CENPP: variants seen among roughly 807,000 people sequenced by gnomAD.
CENPP encodes the protein centromere protein P.
In CENPP, 24 loss-of-function variants were observed where a neutral mutation model predicts 35.6. The observed-to-expected ratio is 0.67, with a 90% CI of 0.49 to 0.95. The LOEUF is 0.95. Among genes scored for constraint, CENPP ranks in the 40% least tolerant of loss-of-function variants. CENPP has a pLI of 0.00. For synonymous variants in CENPP, 120 were observed against 125.5 expected (o/e 0.96, Z 0.29); for missense variants, 332 against 345.3 (o/e 0.96, Z 0.31).
chr9:92,457,268 A>T, intron 5 of CENPP: 1 of 1,608,598 alleles, frequency 6.2e-7, no homozygotes, highest in Non-Finnish European at 8.5e-7. Flanking sequence ...TATTAAATGG[A>T]CATTACCAAT....
rs115821662 is a variant in CENPP at position 92,419,670 on chromosome 9, T to G, written c.564+39811T>G. Among the ~76,000 whole-genome samples, 308 of 152,352 alleles carry G rather than the reference T, an allele frequency of 2.0e-3. 2 individuals carry two copies. The highest frequency in any genetic ancestry group is 7.0e-3 in the African/African-American group (291 of 41,582). ...ATTGTATGAGCTATGCATGTACAAGTACTTTGCACGTTGAAAACTGCTATC... is the reference window on the plus strand; with the variant it reads ...ATTGTATGAGCTATGCATGTACAAGGACTTTGCACGTTGAAAACTGCTATC... On this transcript the variant is annotated intron_variant, in intron 5 of 7. Transcript: ENST00000375587.
chr9:92,539,348 C>T (rs1849263767), intron 5 of CENPP, among the ~76,000 whole-genome samples: 1 of 141,614 alleles, frequency 7.1e-6, no homozygotes, highest in South Asian at 2.6e-4. Context: ...CCCCCGCTCC[C>T]CCACCCCCCA....
rs149616596 is a variant in CENPP, at chr9:92,327,632, G to A, written c.107+1527G>A. ...GAAGCAAAGGTACTTAAGTACACAG[G>A]CCTTGTAAACCTGTTAGAACAAGTC... On this transcript the variant is annotated intron_variant, in intron 1 of 7. Coordinates refer to ENST00000375587, the MANE Select transcript of CENPP (RefSeq NM_001012267.3). Among the ~76,000 whole-genome samples, 329 of 152,298 alleles carry A rather than the reference G, an allele frequency of 2.2e-3. 4 individuals carry two copies. Among genetic ancestry groups the A allele is most frequent in the African/African-American group, 7.3e-3 (305 of 41,556 alleles).
At chr9:92,332,121 A>G (rs906317406) in intron 1 of CENPP, 49 bp from the exon 2 acceptor site, 3 of 1,308,916 alleles carry the variant, frequency 2.3e-6, no homozygotes, top group Non-Finnish European at 2.1e-6. Flanking sequence ...TTATTAGATG[A>G]AACACGTGTT....
At chr9:92,360,950 G>T (rs1362260210) in intron 4 of CENPP, among the ~76,000 whole-genome samples, 1 of 151,560 alleles carries the variant, frequency 6.6e-6, no homozygotes, top group African/African-American at 2.4e-5. Flanking sequence ...CTCGTGATCC[G>T]CCCGCCTCGG....
intron 1 of CENPP, 150 bp from the exon 2 acceptor site, chr9:92,332,020 T>A (rs1298714731): frequency 4.4e-6 from 2 of 451,608 alleles, no homozygotes; most frequent in East Asian, 7.2e-5. Flanking sequence ...TTCTTTTTAA[T>A]TTTTTAATTT....
intron 2 of CENPP, among the ~76,000 whole-genome samples, chr9:92,335,084 G>A (rs531992770): frequency 6.6e-6 from 1 of 152,274 alleles, no homozygotes; most frequent in East Asian, 1.9e-4. Context: ...TGCTCGGGAG[G>A]CAGAGGTTGC....
chr9:92,576,950 T>C (rs1266907419), intron 5 of CENPP, among the ~76,000 whole-genome samples: 2 of 152,164 alleles, frequency 1.3e-5, no homozygotes, highest in Non-Finnish European at 2.9e-5. Context: ...AATGTAAGTG[T>C]TAAATCCATT....
chr9:92,481,205 T>G (rs893378103), intron 5 of CENPP, among the ~76,000 whole-genome samples: 1 of 152,238 alleles, frequency 6.6e-6, no homozygotes, highest in African/African-American at 2.4e-5. Flanking sequence ...TCAGAATATT[T>G]GTTTTTAATT....
intron 5 of CENPP, among the ~76,000 whole-genome samples, chr9:92,591,726 A>T (rs557779303): frequency 2.6e-5 from 4 of 152,178 alleles, no homozygotes; most frequent in Non-Finnish European, 5.9e-5. Flanking sequence ...AAAAGATCCA[A>T]AGAGAGGAAG....
intron 5 of CENPP, among the ~76,000 whole-genome samples, chr9:92,586,605 G>T (rs1850547745): frequency 6.6e-6 from 1 of 152,166 alleles, no homozygotes; most frequent in Non-Finnish European, 1.5e-5. Context: ...AAGGGGTGAG[G>T]GCTAAGGCAG....
chr9:92,506,887 C>CT (rs1047585430), intron 5 of CENPP, among the ~76,000 whole-genome samples: 4 of 151,960 alleles, frequency 2.6e-5, no homozygotes, highest in Non-Finnish European at 4.4e-5. Context: ...CTGGGAGGGC[C>CT]TTTTTTTACA....
intron 5 of CENPP, chr9:92,464,978 T>A: frequency 6.2e-7 from 1 of 1,614,052 alleles, no homozygotes. Flanking sequence ...CGTCACCCCT[T>A]CAAATGCCCC....
chr9:92,372,314 C>A (rs1276487913), intron 4 of CENPP, among the ~76,000 whole-genome samples: 1 of 151,690 alleles, frequency 6.6e-6, no homozygotes, highest in East Asian at 1.9e-4. Context: ...ATCCATTCAA[C>A]CTTTCTATAT....
chr9:92,540,424 C>G (rs1318706964), intron 5 of CENPP, among the ~76,000 whole-genome samples: 2 of 137,290 alleles, frequency 1.5e-5, no homozygotes, highest in Non-Finnish European at 3.0e-5. Flanking sequence ...GACGACAGAG[C>G]GAGACTGTCT....
intron 5 of CENPP, among the ~76,000 whole-genome samples, chr9:92,556,543 G>A (rs1331809814): frequency 6.6e-6 from 1 of 152,190 alleles, no homozygotes; most frequent in East Asian, 1.9e-4. Flanking sequence ...GTTTAGAATT[G>A]TGATATTTTC....
At chr9:92,360,112 T>C (rs1238693093) in intron 4 of CENPP, among the ~76,000 whole-genome samples, 2 of 152,198 alleles carry the variant, frequency 1.3e-5, no homozygotes, top group African/African-American at 4.8e-5. Context: ...CCCTCTCCTT[T>C]AAATATATTT....
At chr9:92,517,982 AG>A (rs1847829677) in intron 5 of CENPP, 4 of 1,303,240 alleles carry the variant, frequency 3.1e-6, no homozygotes, top group Non-Finnish European at 4.3e-6. Flanking sequence ...ACACAAGAAT[AG>A]AATTCTATGT....
intron 5 of CENPP, chr9:92,494,015 T>C (rs563623557): frequency 6.6e-7 from 1 of 1,522,006 alleles, no homozygotes; most frequent in Admixed American, 1.7e-5. Context: ...CGTCGCATTG[T>C]CACCCATTTT....
Sources: gnomAD v4.1 joint callset for allele counts (sites outside exome capture counted in the v4.1 genomes callset) on GRCh38, gnomAD v4.1.1 for gene constraint, MANE v1.5 for transcripts, NCBI Gene and HGNC (gene_info 2026-07-23, HGNC 2026-07-21) for gene names.